Variants in HMCN1 observed in about 807,000 individuals in gnomAD.
HMCN1 encodes hemicentin 1, also known as hemicentin-1.
Under a neutral mutation model 625.9 loss-of-function variants are expected in HMCN1, and 321 were observed. The observed-to-expected ratio is 0.51, with a 90% CI of 0.47 to 0.56. The LOEUF is 0.56. Among genes scored for constraint, HMCN1 ranks in the 20% least tolerant of loss-of-function variants. The probability of loss-of-function intolerance (pLI) is 0.00; values close to 1 mark genes in which losing one functional copy is unlikely to be tolerated. For missense variants in HMCN1, 6,588 were observed against 6,887.3 expected (o/e 0.96, Z 1.54); for synonymous variants, 2,425 against 2,417.6 (o/e 1.00, Z -0.09).
intron 1 of HMCN1, among the ~76,000 whole-genome samples, chr1:185,801,727 C>A (rs1366833716): frequency 6.6e-6 from 1 of 152,022 alleles, no homozygotes; most frequent in Non-Finnish European, 1.5e-5. Context: ...AGGGAACGGA[C>A]AGAGAGGAAA....
chr1:186,179,157 G>A (rs903450779), intron 104 of HMCN1, among the ~76,000 whole-genome samples: 3 of 152,102 alleles, frequency 2.0e-5, no homozygotes, highest in African/African-American at 7.2e-5. Context: ...AAAAGCAGTG[G>A]TTTAAAAGTG....
At chr1:185,761,042 A>G (rs533545570) in intron 1 of HMCN1, among the ~76,000 whole-genome samples, 42 of 152,052 alleles carry the variant, frequency 2.8e-4, no homozygotes, top group Non-Finnish European at 4.3e-4. Context: ...GAAAGTGGGT[A>G]TGAGTTTAGG....
intron 1 of HMCN1, among the ~76,000 whole-genome samples, chr1:185,748,581 AG>A (rs1278145925): frequency 6.6e-6 from 1 of 152,202 alleles, no homozygotes; most frequent in African/African-American, 2.4e-5. Context: ...GAAAATTAAC[AG>A]GGGATTTGAT....
At chr1:186,164,038 T>C (rs1651705048) in intron 97 of HMCN1, among the ~76,000 whole-genome samples, 1 of 152,062 alleles carries the variant, frequency 6.6e-6, no homozygotes, top group African/African-American at 2.4e-5. Context: ...TATCAACAAA[T>C]AACTAAGTGG....
At chr1:186,182,134 T>C (rs1235389308) in intron 104 of HMCN1, 34 bp from the exon 105 acceptor site, 1 of 1,611,556 alleles carries the variant, frequency 6.2e-7, no homozygotes, top group Non-Finnish European at 8.5e-7. Context: ...TTTTTTCTTG[T>C]GTAGTGATAA....
At chr1:186,137,161 T>A (rs1279953392) in intron 87 of HMCN1, among the ~76,000 whole-genome samples, 2 of 152,216 alleles carry the variant, frequency 1.3e-5, no homozygotes, top group Non-Finnish European at 2.9e-5. Flanking sequence ...ACTAGATTTT[T>A]GATTCACAAC....
At chr1:185,907,211 T>A (rs1666146149) in intron 4 of HMCN1, among the ~76,000 whole-genome samples, 1 of 152,122 alleles carries the variant, frequency 6.6e-6, no homozygotes, top group East Asian at 1.9e-4. Context: ...TTATTTCATA[T>A]GTAAAATTCC....
In HMCN1 at chr1:186,038,975, A is replaced by G; in HGVS notation, c.5998A>G (p.Thr2000Ala). 6.2e-7 allele frequency: 1 copy of G among 1,612,982 alleles called. No individual in the cohort carries two copies. ...KCVAINSAGA[T>A]ELFYSLQVHV... The stretch of plus-strand genomic sequence containing the variant: ...CGTGGCCATCAACTCAGCTGGAGCT[A>G]CAGAGTTATTTTACAGTCTGCAAGT... The change falls in exon 38 of 107, where the codon ACA (threonine) becomes GCA (alanine). Residue 2000 changes from threonine (T) to alanine (A), a missense_variant. Physicochemically the swap from Thr to Ala is moderately conservative, Grantham distance 58. This residue lies in a region of HMCN1 where 4,628 missense variants were observed against 4,853.1 expected (regional missense o/e 0.95). Transcript: ENST00000271588.
chr1:185,966,634 C>G (rs1320539395), intron 14 of HMCN1, among the ~76,000 whole-genome samples: 1 of 152,102 alleles, frequency 6.6e-6, no homozygotes, highest in Non-Finnish European at 1.5e-5. Context: ...CCTGCAAACA[C>G]CCTAACTGGG....
At chr1:186,110,977 C>CTTTTTTTTTTTTTTTGTTTT (rs1660849744) in intron 71 of HMCN1, among the ~76,000 whole-genome samples, 1 of 61,648 alleles carries the variant, frequency 1.6e-5, no homozygotes, top group Non-Finnish European at 2.7e-5. Context: ...AGAGAAAATT[C>CTTTTTTTTTTTTTTTGTTTT]TTTTTTTTTT....
chr1:186,032,182 T>C (rs1013991226), intron 36 of HMCN1, among the ~76,000 whole-genome samples: 1 of 151,436 alleles, frequency 6.6e-6, no homozygotes, highest in Non-Finnish European at 1.5e-5. Flanking sequence ...AGGACCAATA[T>C]CCAGAATTTA....
chr1:185,977,820 T>C lies in HMCN1; in HGVS notation c.2405T>C (p.Val802Ala). The C allele has an allele frequency of 6.2e-7, 1 of 1,613,200 alleles. No individual in the cohort carries two copies. The highest frequency in any genetic ancestry group is 2.2e-5 in the East Asian group (1 of 44,772). The change falls in exon 16 of 107, where the codon GTG becomes GCG. Residue 802 changes from valine (V) to alanine (A), a missense_variant. Val to Ala is a moderately conservative substitution (Grantham distance 64). Transcript: ENST00000271588. ...GTTTTCATACAAGAACCTGCTGATG[T>C]GTCTATGGAAATTGGCTCAAATGTG... is the stretch of plus-strand genomic sequence containing the variant. The part of the protein sequence containing the change: ...PPVFIQEPAD[V>A]SMEIGSNVTL...
intron 97 of HMCN1, among the ~76,000 whole-genome samples, chr1:186,158,285 GTTGT>G (rs1324174260): frequency 6.6e-6 from 1 of 150,518 alleles, no homozygotes; most frequent in Admixed American, 6.6e-5. Flanking sequence ...TTTTGATGGG[GTTGT>G]TTTTTTCTTG....
At chr1:186,070,129 G>T (rs949714161) in intron 51 of HMCN1, among the ~76,000 whole-genome samples, 3 of 152,178 alleles carry the variant, frequency 2.0e-5, no homozygotes, top group African/African-American at 4.8e-5. Flanking sequence ...AGCCCAAGAT[G>T]AGGTCATTAG....
rs1480710975 is a variant in HMCN1, at chr1:186,055,628, G to A, written c.7098G>A (p.Val2366=). The change falls in exon 45 of 107, where the codon GTG becomes GTA. Residue 2366 remains valine (V), a synonymous_variant. Transcript: ENST00000271588. ...CAGGCCGTTATGTGTGTGTTGCTGT[G>A]AATGTAGCAGGAATGACTGACAAAA... ...SDTGRYVCVA[V]NVAGMTDKKY... The A allele has an allele frequency of 3.7e-6, 6 of 1,612,716 alleles. No homozygotes were observed. Among genetic ancestry groups the A allele is most frequent in the African/African-American group, 1.3e-5 (1 of 74,936 alleles).
At position 186,137,694 on chromosome 1, in the gene HMCN1, G is replaced by A. The variant is rs752852648; in HGVS notation, c.13753+26G>A. The A allele has an allele frequency of 1.9e-6, 3 of 1,613,910 alleles. No individual in the cohort carries two copies. The East Asian group carries it at 6.7e-5, about 36-fold the overall frequency. ...GTACACCTCCTTATTTAACTGATAGGCATGTGTTTAATAGACCTTCATTTC... is the reference window on the plus strand; with the variant it reads ...GTACACCTCCTTATTTAACTGATAGACATGTGTTTAATAGACCTTCATTTC... On this transcript the variant is annotated intron_variant, in intron 88 of 106. Transcript: ENST00000271588.
At chr1:185,907,703 C>G (rs181202332) in intron 4 of HMCN1, among the ~76,000 whole-genome samples, 70 of 152,002 alleles carry the variant, frequency 4.6e-4, no homozygotes, top group African/African-American at 1.6e-3. Context: ...AACACTTCAG[C>G]AATGGCTGAA....
In HMCN1 at chr1:186,068,868, CAAAAAAAAA is replaced by C. The variant is rs397862240; in HGVS notation, c.7880-780_7880-772del. 6.6e-3 allele frequency among the ~76,000 whole-genome samples: 510 copies of C among 76,792 alleles called. 4 individuals carry two copies. Among genetic ancestry groups the C allele is most frequent in the African/African-American group, 0.026 (484 of 18,394 alleles). 50.4% of individuals were successfully genotyped at this position (76,792 alleles called of 152,430 possible). On this transcript the variant is annotated intron_variant, in intron 50 of 106. Coordinates refer to ENST00000271588, the MANE Select transcript of HMCN1 (RefSeq NM_031935.3). ...TGGGCAACAGAGCAAGACTCGGTCT[CAAAAAAAAA>C]AAAAAAAAAAAAAAGACTTCAAATG...
In HMCN1 at chr1:186,178,594, G is replaced by T. The variant is rs767889798; in HGVS notation, c.16122G>T (p.Arg5374=). Residue 5374 remains arginine, a synonymous_variant, in exon 104 of 107, where the codon CGG becomes CGT. Coordinates refer to ENST00000271588, the MANE Select transcript of HMCN1 (RefSeq NM_031935.3). ...AATACAGTAGCTATAACCTTGCACGGTTCTCCCCTGTGAGAAACAACTATC... is the reference window on the plus strand; with the variant it reads ...AATACAGTAGCTATAACCTTGCACGTTTCTCCCCTGTGAGAAACAACTATC... ...GTQYSSYNLA[R]FSPVRNNYQP... The T allele has an allele frequency of 1.2e-6, 2 of 1,614,084 alleles. No individual in the cohort carries two copies. Among genetic ancestry groups the T allele is most frequent in the Non-Finnish European group, 1.7e-6 (2 of 1,179,980 alleles).
Sources: allele counts gnomAD v4.1 joint callset (sites outside exome capture counted in the v4.1 genomes callset), GRCh38; gene constraint gnomAD v4.1.1; regional missense constraint gnomAD v4.1.1; transcripts MANE v1.5; gene names NCBI Gene and HGNC (gene_info 2026-07-23, HGNC 2026-07-21).